The following ABCA13 variants were observed in gnomAD, a reference collection of about 807,000 sequenced individuals.
ABCA13 encodes ATP binding cassette subfamily A member 13, also known as ATP-binding cassette sub-family A member 13.
ABCA13 carries 476 observed loss-of-function variants against 478.7 expected under a neutral mutation model. That is an observed-to-expected ratio of 0.99 (90% CI 0.92 to 1.07). The LOEUF is 1.07. ABCA13 is among the 50% of genes least tolerant of loss of function. The pLI, the probability that ABCA13 is intolerant of heterozygous loss-of-function variation, is 0.00. For synonymous variants in ABCA13, 2,252 were observed against 2,158.9 expected, an observed-to-expected ratio of 1.04 and a Z score of -1.20; for missense variants, 6,060 against 5,910.6, an observed-to-expected ratio of 1.03 and a Z score of -0.83.
At chr7:48,277,710 T>C (rs914632256) in intron 17 of ABCA13, among the ~76,000 whole-genome samples, 6 of 152,198 alleles carry the variant, frequency 3.9e-5, no homozygotes, top group Admixed American at 1.3e-4. Flanking sequence ...CTTCTAAAGC[T>C]CAGAAAAATA....
intron 57 of ABCA13, among the ~76,000 whole-genome samples, chr7:48,594,307 C>T (rs943078926): frequency 1.3e-5 from 2 of 151,964 alleles, no homozygotes; most frequent in African/African-American, 4.8e-5. Flanking sequence ...AAATAATCTG[C>T]CCTCAAGTTC....
intron 55 of ABCA13, among the ~76,000 whole-genome samples, chr7:48,575,095 G>T (rs1184860892): frequency 6.6e-6 from 1 of 151,672 alleles, no homozygotes; most frequent in Non-Finnish European, 1.5e-5. Context: ...ACATTTTATG[G>T]TACATACTTA....
In ABCA13 at chr7:48,298,398, A is replaced by G; in HGVS notation, c.9232A>G (p.Thr3078Ala). The change falls in exon 23 of 62, where the codon ACC (threonine) becomes GCC (alanine). Residue 3078 changes from threonine to alanine, a missense_variant. By Grantham distance (58) the Thr-to-Ala change is moderately conservative (BLOSUM62 0). Coordinates refer to ENST00000435803, the MANE Select transcript of ABCA13 (RefSeq NM_152701.5). ...AATAAAAGATTTGATGAAGAATATC[A>G]CCAAGTTGACTGAGGAGCTTCGCTC... ...VKIKDLMKNITKLTEELRSSI... is the reference protein window; with the variant it reads ...VKIKDLMKNIAKLTEELRSSI... 6.2e-7 allele frequency: 1 copy of G among 1,611,932 alleles called. No homozygotes were observed. The highest frequency in any genetic ancestry group is 8.5e-7 in the Non-Finnish European group (1 of 1,178,794).
chr7:48,640,465 T>C (rs903912795), intron 59 of ABCA13, among the ~76,000 whole-genome samples: 1 of 152,220 alleles, frequency 6.6e-6, no homozygotes, highest in Non-Finnish European at 1.5e-5. Flanking sequence ...TGTTTGTGGT[T>C]CCAAAATGTT....
chr7:48,421,572 G>A (rs1820746649), intron 41 of ABCA13, among the ~76,000 whole-genome samples: 1 of 152,120 alleles, frequency 6.6e-6, no homozygotes, highest in Non-Finnish European at 1.5e-5. Flanking sequence ...CATTCTTTGA[G>A]CATTTTCCTG....
chr7:48,307,584 A>G (rs934298542), intron 23 of ABCA13, among the ~76,000 whole-genome samples: 6 of 152,172 alleles, frequency 3.9e-5, no homozygotes, highest in African/African-American at 1.4e-4. Flanking sequence ...AGACTCAATA[A>G]ACATTGTGTG....
At chr7:48,574,163 T>TA (rs1404614413) in intron 55 of ABCA13, among the ~76,000 whole-genome samples, 4 of 152,164 alleles carry the variant, frequency 2.6e-5, no homozygotes, top group Non-Finnish European at 5.9e-5. Context: ...TAACAACTGA[T>TA]AAATTTTGAT....
chr7:48,600,562 AT>A (rs1014270507), intron 58 of ABCA13, among the ~76,000 whole-genome samples: 4 of 151,650 alleles, frequency 2.6e-5, no homozygotes, highest in Non-Finnish European at 4.4e-5. Flanking sequence ...TGTTTTATCT[AT>A]TTTTTTTAGT....
intron 1 of ABCA13, among the ~76,000 whole-genome samples, chr7:48,185,043 C>G (rs1229258079): frequency 6.8e-6 from 1 of 146,656 alleles, no homozygotes; most frequent in East Asian, 1.9e-4. Flanking sequence ...TCCATGTTGC[C>G]TAGGCTGAAA....
At chr7:48,398,289 C>G (rs28647224) in intron 38 of ABCA13, among the ~76,000 whole-genome samples, 29,658 of 152,100 alleles carry the variant, frequency 0.19, 3,308 homozygotes, top group East Asian at 0.26. Flanking sequence ...AAACACCTAA[C>G]AATGCTACAT....
intron 59 of ABCA13, among the ~76,000 whole-genome samples, chr7:48,624,059 AGTGTGTGTGTGTGTGTGTGTGTGTGTGT>A (rs3078326): frequency 7.0e-6 from 1 of 142,442 alleles, no homozygotes; most frequent in South Asian, 2.3e-4. Context: ...CACATGATAG[AGTGTGTGTGTGTGTGTGTGTGTGTGTGT>A]GTGTGTGTGT....
Position 48,273,590 on chromosome 7 carries a change from T to C in ABCA13, c.3924T>C (p.Phe1308=), listed in dbSNP as rs1309538135. ...GAAATCTAGATTCAATAAATGACTT[T>C]CTTTCAAATAATCTCACAAATTATG... ...IVRNLDSIND[F]LSNNLTNYGE... The change falls in exon 17 of 62, where the codon TTT becomes TTC. Residue 1308 remains phenylalanine, a synonymous_variant. Transcript: ENST00000435803. The C allele has an allele frequency of 8.8e-6, 14 of 1,589,910 alleles. No homozygotes were observed. Among genetic ancestry groups the C allele is most frequent in the Non-Finnish European group, 1.1e-5 (13 of 1,166,436 alleles).
chr7:48,575,393 C>G (rs1788068218), intron 55 of ABCA13, among the ~76,000 whole-genome samples: 1 of 151,988 alleles, frequency 6.6e-6, no homozygotes, highest in African/African-American at 2.4e-5. Flanking sequence ...GATAAATGTG[C>G]TAGCTGAATT....
At chr7:48,218,241 C>T (rs777343867) in intron 3 of ABCA13, among the ~76,000 whole-genome samples, 3 of 152,182 alleles carry the variant, frequency 2.0e-5, no homozygotes, top group Non-Finnish European at 2.9e-5. Flanking sequence ...AGGCGAATCT[C>T]ATGTATGGGT....
intron 55 of ABCA13, among the ~76,000 whole-genome samples, chr7:48,539,027 C>T (rs925708330): frequency 3.9e-5 from 6 of 152,120 alleles, no homozygotes; most frequent in Non-Finnish European, 2.9e-5. Flanking sequence ...TTTAGTTAGA[C>T]GCAGGTTCAA....
intron 21 of ABCA13, 46 bp from the exon 22 acceptor site, chr7:48,297,186 G>A: frequency 6.9e-7 from 1 of 1,458,382 alleles, no homozygotes; most frequent in Non-Finnish European, 9.4e-7. Context: ...CACTGTTTCT[G>A]ATGTTTTAGC....
chr7:48,621,059 T>C (rs1434035673), intron 59 of ABCA13, among the ~76,000 whole-genome samples: 2 of 152,148 alleles, frequency 1.3e-5, no homozygotes, highest in East Asian at 3.9e-4. Context: ...AATACATCCC[T>C]ACCCCACCTC....
intron 44 of ABCA13, among the ~76,000 whole-genome samples, chr7:48,469,813 G>T (rs1448282904): frequency 2.6e-5 from 4 of 151,952 alleles, no homozygotes; most frequent in Admixed American, 1.3e-4. Flanking sequence ...CCAGCTACTC[G>T]GGAGGCTGAG....
In ABCA13 at chr7:48,278,421, T is replaced by G; in HGVS notation, c.7227T>G (p.Leu2409=). ...ACCTCTTCAAACTCAATCAAGATCT[T>G]GGGTCAGCTCTTCACCTTGTAAGAG... The part of the protein sequence containing the change: ...SEDLFKLNQD[L]GSALHLVREC... The change falls in exon 18 of 62, where the codon CTT becomes CTG. Residue 2409 remains leucine (L), a synonymous_variant. Coordinates refer to ENST00000435803, the MANE Select transcript of ABCA13 (RefSeq NM_152701.5). 3.7e-6 allele frequency: 6 copies of G among 1,613,936 alleles called. No individual in the cohort carries two copies. The highest frequency in any genetic ancestry group is 5.1e-6 in the Non-Finnish European group (6 of 1,179,862).
Sources: gnomAD v4.1 joint callset for allele counts (sites outside exome capture counted in the v4.1 genomes callset) on GRCh38, gnomAD v4.1.1 for gene constraint, MANE v1.5 for transcripts, NCBI Gene and HGNC (gene_info 2026-07-23, HGNC 2026-07-21) for gene names.